Variants in NBEA observed in about 807,000 individuals in gnomAD.
NBEA encodes lysosomal-trafficking regulator 2.
A neutral mutation model predicts 343.4 loss-of-function variants in NBEA; 44 were observed. That is an observed-to-expected ratio of 0.13 (90% CI 0.10 to 0.16). The LOEUF (loss-of-function observed/expected upper bound fraction) is 0.16. NBEA is among the 10% of genes least tolerant of loss of function. The pLI is 1.00. For missense variants in NBEA, 2,555 were observed against 3,631.3 expected, an observed-to-expected ratio of 0.70 and a Z score of 7.62; for synonymous variants, 1,175 against 1,238.7, an observed-to-expected ratio of 0.95 and a Z score of 1.08.
chr13:35,257,341 C>A (rs1374688987), intron 34 of NBEA, among the ~76,000 whole-genome samples: 12 of 152,014 alleles, frequency 7.9e-5, no homozygotes, highest in Admixed American at 7.2e-4. Context: ...TTTGCTAATT[C>A]TATTGGTATT....
intron 49 of NBEA, among the ~76,000 whole-genome samples, chr13:35,630,824 A>G (rs2083416966): frequency 6.6e-6 from 1 of 152,162 alleles, no homozygotes; most frequent in Non-Finnish European, 1.5e-5. Flanking sequence ...GTGTGGACTC[A>G]AGATTGCTTA....
intron 36 of NBEA, among the ~76,000 whole-genome samples, chr13:35,327,986 A>G (rs1355581404): frequency 6.6e-6 from 1 of 151,910 alleles, no homozygotes; most frequent in Non-Finnish European, 1.5e-5. Flanking sequence ...AAAAACATAT[A>G]GCTAACATTT....
chr13:35,263,873 C>A (rs923143275), intron 34 of NBEA, among the ~76,000 whole-genome samples: 5 of 151,088 alleles, frequency 3.3e-5, no homozygotes, highest in Non-Finnish European at 7.4e-5. Flanking sequence ...ATTAGAAAAA[C>A]GAGAAAACTA....
chr13:35,607,393 C>A (rs1367137132), intron 48 of NBEA, among the ~76,000 whole-genome samples: 3 of 152,032 alleles, frequency 2.0e-5, no homozygotes, highest in Non-Finnish European at 4.4e-5. Context: ...ACAGAATGTT[C>A]ACATATGGGA....
intron 17 of NBEA, among the ~76,000 whole-genome samples, chr13:35,138,223 A>T (rs995207246): frequency 6.6e-5 from 10 of 152,250 alleles, no homozygotes; most frequent in Middle Eastern, 6.8e-3. Context: ...GGTAAAATGC[A>T]TTTATACCTT....
chr13:35,645,224 A>G (rs867645343), intron 49 of NBEA, among the ~76,000 whole-genome samples: 1 of 152,214 alleles, frequency 6.6e-6, no homozygotes, highest in Non-Finnish European at 1.5e-5. Context: ...TGATTTTCCT[A>G]TTTCACTTTT....
intron 47 of NBEA, among the ~76,000 whole-genome samples, chr13:35,598,668 G>A (rs900808490): frequency 2.6e-5 from 4 of 152,174 alleles, no homozygotes; most frequent in Admixed American, 6.5e-5. Flanking sequence ...TGTTTATAAT[G>A]CCCTAAGAAT....
rs1276417612 is a variant in NBEA, at chr13:35,426,703, G to A, written c.6180-5566G>A. On this transcript the variant is annotated intron_variant, in intron 38 of 58. Transcript: ENST00000379939. ...TTTGAATGTTGGCCTGCCTTGCTAG[G>A]TTGGGGAAGTTCTCCTGGATAATAT... 5.3e-5 allele frequency among the ~76,000 whole-genome samples: 8 copies of A among 152,200 alleles called. No individual in the cohort carries two copies. The East Asian group carries it at 9.7e-4, about 18-fold the overall frequency.
intron 1 of NBEA, among the ~76,000 whole-genome samples, chr13:35,002,708 A>G (rs900056884): frequency 5.3e-5 from 8 of 152,188 alleles, no homozygotes; most frequent in Admixed American, 3.9e-4. Context: ...AACCATTACA[A>G]TCAACACATC....
intron 38 of NBEA, among the ~76,000 whole-genome samples, chr13:35,370,212 T>C (rs1414773872): frequency 6.6e-6 from 1 of 151,958 alleles, no homozygotes; most frequent in Non-Finnish European, 1.5e-5. Context: ...TATATCTAGG[T>C]GCTCCTGTGC....
In NBEA at chr13:35,045,386, T is replaced by A. The variant is rs772656600; in HGVS notation, c.708T>A (p.Pro236=). The change falls in exon 4 of 59, where the codon CCT becomes CCA. Residue 236 remains proline (P), a synonymous_variant. Transcript: ENST00000379939. ...RHGPDTFFNF[P]GCSAAAIALP... Reference sequence around the variant, plus strand: ...GTCCTGATACTTTTTTCAATTTCCCTGGTTGTAGCGCTGCGGTAAGTTTTA... The same window carrying A: ...GTCCTGATACTTTTTTCAATTTCCCAGGTTGTAGCGCTGCGGTAAGTTTTA... 1.2e-6 allele frequency: 2 copies of A among 1,610,366 alleles called. No individual in the cohort carries two copies. Among genetic ancestry groups the A allele is most frequent in the Non-Finnish European group, 1.7e-6 (2 of 1,177,724 alleles).
chr13:35,471,974 G>T (rs2075670710), intron 40 of NBEA, among the ~76,000 whole-genome samples: 1 of 152,102 alleles, frequency 6.6e-6, no homozygotes, highest in African/African-American at 2.4e-5. Flanking sequence ...TCTCCTTGGG[G>T]AGCGCCGCTG....
intron 11 of NBEA, among the ~76,000 whole-genome samples, chr13:35,102,915 T>A (rs1317117429): frequency 2.0e-5 from 3 of 151,818 alleles, no homozygotes; most frequent in Non-Finnish European, 4.4e-5. Flanking sequence ...AGTGTTGGGA[T>A]AAAAGTTGTG....
intron 31 of NBEA, among the ~76,000 whole-genome samples, chr13:35,205,007 C>CTTTTAA (rs2073289693): frequency 6.6e-6 from 1 of 151,882 alleles, no homozygotes; most frequent in Admixed American, 6.6e-5. Flanking sequence ...GTTGCTAATA[C>CTTTTAA]CAAGTAACAT....
chr13:35,130,075 T>G (rs2067333319), intron 17 of NBEA, among the ~76,000 whole-genome samples: 1 of 152,156 alleles, frequency 6.6e-6, no homozygotes, highest in African/African-American at 2.4e-5. Context: ...TATTTTTATT[T>G]GCATTTAAAA....
At chr13:35,081,472 A>T (rs1372857518) in intron 10 of NBEA, among the ~76,000 whole-genome samples, 2 of 151,902 alleles carry the variant, frequency 1.3e-5, no homozygotes, top group Non-Finnish European at 2.9e-5. Flanking sequence ...ACTTTTTTTC[A>T]TAGAAACAAA....
At chr13:35,657,953 T>C (rs939427907) in intron 55 of NBEA, among the ~76,000 whole-genome samples, 3 of 152,108 alleles carry the variant, frequency 2.0e-5, no homozygotes, top group Non-Finnish European at 2.9e-5. Flanking sequence ...TATTAAATTA[T>C]AGTAATTATC....
At chr13:35,641,981 A>G (rs2083978766) in intron 49 of NBEA, among the ~76,000 whole-genome samples, 1 of 152,228 alleles carries the variant, frequency 6.6e-6, no homozygotes, top group Admixed American at 6.5e-5. Context: ...TACCAAAATC[A>G]GTGATTTCTT....
intron 40 of NBEA, among the ~76,000 whole-genome samples, chr13:35,465,096 A>G (rs1253286059): frequency 6.6e-6 from 1 of 152,118 alleles, no homozygotes; most frequent in Non-Finnish European, 1.5e-5. Context: ...GGTTTTCAGT[A>G]TATTTTTAAA....
Sources: gnomAD v4.1 joint callset for allele counts (sites outside exome capture counted in the v4.1 genomes callset) on GRCh38, gnomAD v4.1.1 for gene constraint, MANE v1.5 for transcripts, NCBI Gene and HGNC (gene_info 2026-07-23, HGNC 2026-07-21) for gene names.